Variants in RFTN2 observed in about 807,000 individuals in gnomAD.
RFTN2 encodes the protein raftlin family member 2, also known as raftlin-2.
In RFTN2, 34 loss-of-function variants were observed where a neutral mutation model predicts 52.7. The ratio of observed to expected loss-of-function variants is 0.64; its 90% CI spans 0.49 to 0.86. The LOEUF is 0.86. Ranked by LOEUF, RFTN2 falls within the 40% of genes least tolerant of loss-of-function variation. The pLI is 0.00. For synonymous variants in RFTN2, 203 were observed against 217.7 expected (o/e 0.93, Z 0.59); for missense variants, 536 against 600.1 (o/e 0.89, Z 1.12).
Position 197,591,468 on chromosome 2 carries a change from G to A in RFTN2, c.1233+4523C>T, listed in dbSNP as rs955460528. Among the ~76,000 whole-genome samples the A allele has an allele frequency of 2.6e-5, 4 of 152,338 alleles. No homozygotes were observed. The East Asian group carries it at 7.7e-4, about 29-fold the overall frequency. On this transcript the variant is annotated intron_variant, in intron 8 of 8. Transcript: ENST00000295049. ...ATAAAGGTTCTGCAAGTCCCCACCA[G>A]ACTCAGGAGCTCAGCTGGCTTCACC...
intron 8 of RFTN2, among the ~76,000 whole-genome samples, chr2:197,581,569 C>A (rs2087510931): frequency 6.6e-6 from 1 of 152,150 alleles, no homozygotes; most frequent in South Asian, 2.1e-4. Flanking sequence ...ATATCGATGA[C>A]CTTCTACTTT....
chr2:197,670,759 T>G (rs2089134041), intron 1 of RFTN2, among the ~76,000 whole-genome samples: 1 of 152,206 alleles, frequency 6.6e-6, no homozygotes, highest in Non-Finnish European at 1.5e-5. Context: ...GATCTTCCAC[T>G]GCCACCTCAA....
intron 5 of RFTN2, among the ~76,000 whole-genome samples, chr2:197,630,340 GCA>G (rs2088448529): frequency 6.6e-6 from 1 of 152,042 alleles, no homozygotes; most frequent in South Asian, 2.1e-4. Flanking sequence ...CTTTCCTAAT[GCA>G]TTTTTCTAGT....
chr2:197,653,658 A>T (rs1257986077), intron 1 of RFTN2, among the ~76,000 whole-genome samples: 1 of 152,226 alleles, frequency 6.6e-6, no homozygotes, highest in East Asian at 1.9e-4. Context: ...GTGCAAAAAT[A>T]ATTATGGTGT....
intron 8 of RFTN2, among the ~76,000 whole-genome samples, chr2:197,580,233 G>A (rs894658236): frequency 3.3e-5 from 5 of 151,950 alleles, no homozygotes; most frequent in South Asian, 2.1e-4. Flanking sequence ...TATTAACCTC[G>A]CCTTCAAGGT....
Position 197,569,186 on chromosome 2 carries a change from G to A in RFTN2, c.*2822C>T, listed in dbSNP as rs1470980250. ...AAAATGCCATAGATACTACACCAAGGGGAATGGCAGATCTTCACCCAACAT... is the reference window on the plus strand; with the variant it reads ...AAAATGCCATAGATACTACACCAAGAGGAATGGCAGATCTTCACCCAACAT... On this transcript the variant is annotated 3_prime_UTR_variant, in exon 9 of 9. Coordinates refer to ENST00000295049, the MANE Select transcript of RFTN2 (RefSeq NM_144629.3). The A allele has an allele frequency of 6.6e-6, 1 of 152,086 alleles. No individual in the cohort carries two copies. Among genetic ancestry groups the A allele is most frequent in the Non-Finnish European group, 1.5e-5 (1 of 68,002 alleles). 9.4% of individuals were successfully genotyped at this position (152,086 alleles called of 1,614,324 possible).
rs192204904 is a variant in RFTN2 at position 197,619,450 on chromosome 2, C to G, written c.929-1529G>C. ...GTTGATTGGTGACCTTACCCCCAAC[C>G]CTGTGCTCTCTGAAACATGTGCTGT... On this transcript the variant is annotated intron_variant, in intron 5 of 8. Transcript: ENST00000295049. Among the ~76,000 whole-genome samples, 580 of 152,154 alleles carry G rather than the reference C, an allele frequency of 3.8e-3. 4 individuals are homozygous for G. Among genetic ancestry groups the G allele is most frequent in the Non-Finnish European group, 5.4e-3 (367 of 68,004 alleles).
chr2:197,641,764 A>G (rs1279317821), intron 3 of RFTN2, among the ~76,000 whole-genome samples: 1 of 152,234 alleles, frequency 6.6e-6, no homozygotes, highest in Non-Finnish European at 1.5e-5. Flanking sequence ...CAGCCGCTCA[A>G]AAATAATATT....
rs1476410987 is a variant in RFTN2 at position 197,569,635 on chromosome 2, CAA to C, written c.*2371_*2372del. The stretch of plus-strand genomic sequence containing the variant: ...AATAAACTGAGAAAGTATGCTTACA[CAA>C]ATTTTTTAAAAAAGCGATTGCTTGG... On this transcript the variant is annotated 3_prime_UTR_variant, in exon 9 of 9. Coordinates refer to ENST00000295049, the MANE Select transcript of RFTN2 (RefSeq NM_144629.3). 6.6e-6 allele frequency: 1 copy of C among 152,028 alleles called. No homozygotes were observed. The highest frequency in any genetic ancestry group is 1.5e-5 in the Non-Finnish European group (1 of 67,984). The allele number at this position is 152,028 out of a possible 1,614,324, so 9.4% of individuals were successfully genotyped here.
chr2:197,610,009 G>A lies in RFTN2; in HGVS notation c.1154+5867C>T, dbSNP rs577726994. Reference sequence around the variant, plus strand: ...TTTGGTACCAGTACCATGCTGTTTTGGTTACTGTAGCCTTGTAGTATAGTT... The same window carrying A: ...TTTGGTACCAGTACCATGCTGTTTTAGTTACTGTAGCCTTGTAGTATAGTT... On this transcript the variant is annotated intron_variant, in intron 7 of 8. Transcript: ENST00000295049. Among the ~76,000 whole-genome samples the A allele has an allele frequency of 2.0e-5, 3 of 152,290 alleles. No homozygotes were observed. The East Asian group carries it at 5.8e-4, about 29-fold the overall frequency.
intron 6 of RFTN2, among the ~76,000 whole-genome samples, chr2:197,616,274 A>ATTTATTTT (rs879732758): frequency 8.6e-6 from 1 of 116,588 alleles, no homozygotes; most frequent in Non-Finnish European, 1.8e-5. Context: ...TCTGCATTTT[A>ATTTATTTT]TTTTATTTTA....
intron 8 of RFTN2, among the ~76,000 whole-genome samples, chr2:197,574,996 G>T (rs1008906361): frequency 1.3e-5 from 2 of 152,188 alleles, no homozygotes; most frequent in Non-Finnish European, 2.9e-5. Context: ...ATATAGTTTG[G>T]CTGTGTCCTC....
At position 197,570,964 on chromosome 2, in the gene RFTN2, T is replaced by G. The variant is rs1175573802; in HGVS notation, c.*1044A>C. The G allele has an allele frequency of 6.6e-6, 1 of 152,288 alleles. No individual in the cohort carries two copies. Among genetic ancestry groups the G allele is most frequent in the African/African-American group, 2.4e-5 (1 of 41,452 alleles). The allele number at this position is 152,288 out of a possible 1,614,324, so 9.4% of individuals were successfully genotyped here. A position where few individuals can be genotyped will look rare whatever the true frequency, so the allele number is the denominator to read the frequency against. The stretch of plus-strand genomic sequence containing the variant: ...TTCATAGATAAATGAAAATCCTTTA[T>G]TTTGTAGAATTTTAAAGATTGTTAA... On this transcript the variant is annotated 3_prime_UTR_variant, in exon 9 of 9. Transcript: ENST00000295049.
intron 5 of RFTN2, among the ~76,000 whole-genome samples, chr2:197,629,951 T>G (rs2088438201): frequency 6.6e-6 from 1 of 152,162 alleles, no homozygotes; most frequent in African/African-American, 2.4e-5. Context: ...CTCGAACTCC[T>G]GGACTCAAGT....
intron 8 of RFTN2, among the ~76,000 whole-genome samples, chr2:197,591,663 G>T (rs1027415823): frequency 3.3e-5 from 5 of 152,308 alleles, no homozygotes; most frequent in African/African-American, 7.2e-5. Flanking sequence ...GGAGCGGGGG[G>T]GCTCAGGCAT....
intron 8 of RFTN2, among the ~76,000 whole-genome samples, chr2:197,587,718 C>T (rs990090821): frequency 1.3e-5 from 2 of 152,192 alleles, no homozygotes; most frequent in African/African-American, 2.4e-5. Context: ...CACACAGACA[C>T]GTGTGACATG....
chr2:197,638,447 GGATA>G (rs1185750791), intron 3 of RFTN2, among the ~76,000 whole-genome samples: 1 of 82,076 alleles, frequency 1.2e-5, no homozygotes, highest in Non-Finnish European at 2.5e-5. Context: ...TATATATTTA[GGATA>G]GTTAGCTCTT....
intron 8 of RFTN2, among the ~76,000 whole-genome samples, chr2:197,585,356 C>T (rs2087579764): frequency 6.6e-6 from 1 of 152,150 alleles, no homozygotes; most frequent in Admixed American, 6.6e-5. Flanking sequence ...ATGCCCTGCC[C>T]TTGTTTACAC....
chr2:197,665,826 G>A (rs1261268303), intron 1 of RFTN2, among the ~76,000 whole-genome samples: 1 of 151,976 alleles, frequency 6.6e-6, no homozygotes, highest in Non-Finnish European at 1.5e-5. Flanking sequence ...TTTTCTGTAT[G>A]TTCTTTGTTC....
Sources: allele counts gnomAD v4.1 joint callset (sites outside exome capture counted in the v4.1 genomes callset), GRCh38; gene constraint gnomAD v4.1.1; transcripts MANE v1.5; gene names NCBI Gene and HGNC (gene_info 2026-07-23, HGNC 2026-07-21).